Variants in TM4SF19 observed in about 807,000 individuals in gnomAD.
TM4SF19 encodes the protein transmembrane 4 L6 family member 19.
TM4SF19 carries 17 observed loss-of-function variants against 21.8 expected under a neutral mutation model. The observed-to-expected ratio is 0.78, with a 90% CI of 0.53 to 1.17. The LOEUF is 1.17. Ranked by LOEUF, TM4SF19 falls within the 50% of genes most tolerant of loss-of-function variation. The pLI is 0.00. For synonymous variants in TM4SF19, 107 were observed against 106.7 expected (o/e 1.00, Z -0.02); for missense variants, 216 against 252.1 (o/e 0.86, Z 0.97).
intron 1 of TM4SF19, among the ~76,000 whole-genome samples, chr3:196,335,577 G>C: frequency 6.6e-6 from 1 of 151,358 alleles, no homozygotes; most frequent in South Asian, 2.1e-4. Context: ...TCCTACCCCA[G>C]GGGCCCAAGG....
chr3:196,330,943 A>G (rs936708915), intron 1 of TM4SF19, among the ~76,000 whole-genome samples: 1 of 152,140 alleles, frequency 6.6e-6, no homozygotes, highest in Non-Finnish European at 1.5e-5. Flanking sequence ...TCTCTTTTAT[A>G]TTTTCATTGA....
At position 196,332,848 on chromosome 3, in the gene TM4SF19, ATTTTTTT is replaced by A. The variant is rs544134464; in HGVS notation, c.-1-5264_-1-5258del. ...CTGACTCACAATGGTTCAACTTACAATTTTTTTTTTTTTTTTTTTTTTGAGACAGGGT... is the reference window on the plus strand; with the variant it reads ...CTGACTCACAATGGTTCAACTTACAATTTTTTTTTTTTTTTGAGACAGGGT... On this transcript the variant is annotated intron_variant, in intron 1 of 4. Transcript: ENST00000273695. Among the ~76,000 whole-genome samples, 9 of 120,860 alleles carry A rather than the reference ATTTTTTT, an allele frequency of 7.4e-5. No homozygotes were observed. The South Asian group carries it at 8.3e-4, about 11-fold the overall frequency. The allele number at this position is 120,860 out of a possible 152,430, so 79.3% of individuals were successfully genotyped here. A position where few individuals can be genotyped will look rare whatever the true frequency, so the allele number is the denominator to read the frequency against.
At chr3:196,331,419 G>A (rs969914467) in intron 1 of TM4SF19, among the ~76,000 whole-genome samples, 5 of 151,480 alleles carry the variant, frequency 3.3e-5, no homozygotes, top group Non-Finnish European at 4.4e-5. Context: ...GTGCAGTTCA[G>A]TTACACGTCT....
chr3:196,327,317 T>A (rs1727330149), intron 2 of TM4SF19, 73 bp downstream of exon 2: 2 of 1,437,552 alleles, frequency 1.4e-6, no homozygotes, highest in African/African-American at 2.8e-5. Context: ...CAAAACACTC[T>A]TCCCATGCCA....
At position 196,324,389 on chromosome 3, in the gene TM4SF19, A is replaced by C. The variant is rs777472516; in HGVS notation, c.331T>G (p.Cys111Gly). ...AGAGCAACTCCAGAAGTGACAAAGC[A>C]AATCAGGGCTCCAAGTAAAGCCAGG... ...GGLALLGALI[C>G]FVTSGVALKD... The change falls in exon 4 of 5, where the codon TGC (cysteine) becomes GGC (glycine). Residue 111 changes from cysteine (C) to glycine (G), a missense_variant. Cys to Gly is a radical substitution (Grantham distance 159, BLOSUM62 -3). Coordinates refer to ENST00000273695, the MANE Select transcript of TM4SF19 (RefSeq NM_138461.4). The C allele has an allele frequency of 3.1e-6, 5 of 1,614,238 alleles. No individual in the cohort carries two copies.
rs1378972972 is a variant in TM4SF19 at position 196,325,024 on chromosome 3, T to C, written c.280-584A>G. 2 of 152,494 alleles carry C rather than the reference T, an allele frequency of 1.3e-5. No individual in the cohort carries two copies. The highest frequency in any genetic ancestry group is 2.9e-5 in the Non-Finnish European group (2 of 68,290). 9.4% of individuals were successfully genotyped at this position (152,494 alleles called of 1,614,324 possible). The stretch of plus-strand genomic sequence containing the variant: ...CGAGAGAGAAGCTGCAGCCAAGCTC[T>C]GAAATGACTCCACTTCTGTCGCTGT... On this transcript the variant is annotated intron_variant, in intron 3 of 4. Transcript: ENST00000273695. This position sits in a 1 kb window ranked among gnomAD's most constrained non-coding sequence, Gnocchi z 4.3.
intron 1 of TM4SF19, among the ~76,000 whole-genome samples, chr3:196,333,774 A>T (rs1188460002): frequency 1.3e-5 from 2 of 152,190 alleles, no homozygotes; most frequent in Non-Finnish European, 2.9e-5. Flanking sequence ...TAAAATTTGC[A>T]TTAAAGGCCA....
In TM4SF19 at chr3:196,325,416, G is replaced by A. The variant is rs114978848; in HGVS notation, c.280-976C>T. On this transcript the variant is annotated intron_variant, in intron 3 of 4. Coordinates refer to ENST00000273695, the MANE Select transcript of TM4SF19 (RefSeq NM_138461.4). The surrounding 1 kb of genome is among the most constrained non-coding windows in gnomAD (Gnocchi z 4.3). ...GGGGTTTCACTGTGTTGGTCATGCC[G>A]GTCTCAATCTCCTGACCTTGTGATC... The A allele has an allele frequency of 0.04, 6,022 of 152,186 alleles. 158 individuals are homozygous for A. The highest frequency in any genetic ancestry group is 0.082 in the East Asian group (425 of 5,186). 9.4% of individuals were successfully genotyped at this position (152,186 alleles called of 1,614,324 possible).
intron 3 of TM4SF19, among the ~76,000 whole-genome samples, chr3:196,326,494 G>A (rs1360093122): frequency 6.6e-6 from 1 of 151,908 alleles, no homozygotes; most frequent in Non-Finnish European, 1.5e-5. Context: ...ATTTATTCTG[G>A]GCCTCAGTTT....
chr3:196,328,322 GTTA>G (rs1727388305), intron 1 of TM4SF19, among the ~76,000 whole-genome samples: 1 of 151,168 alleles, frequency 6.6e-6, no homozygotes, highest in Admixed American at 6.6e-5. Flanking sequence ...AAGTAACATT[GTTA>G]TTATTCACAG....
chr3:196,329,312 T>C (rs1272276491), intron 1 of TM4SF19, among the ~76,000 whole-genome samples: 2 of 126,802 alleles, frequency 1.6e-5, no homozygotes, highest in African/African-American at 2.6e-5. Context: ...GCCGGAACAA[T>C]GCACATGCAA....
chr3:196,324,619 C>A, intron 3 of TM4SF19, 179 bp from the exon 4 acceptor site: 1 of 626,472 alleles, frequency 1.6e-6, no homozygotes. Flanking sequence ...GAATTCTGTC[C>A]ATGGCACCCC....
intron 1 of TM4SF19, among the ~76,000 whole-genome samples, chr3:196,336,302 C>G (rs1727760743): frequency 5.9e-5 from 9 of 152,084 alleles, no homozygotes; most frequent in Admixed American, 5.9e-4. Flanking sequence ...CTACGCCCGG[C>G]TAATTTTGTA....
Position 196,324,424 on chromosome 3 carries a change from A to G in TM4SF19, c.296T>C (p.Leu99Ser). ...GLCRSVLTAL[L>S]SGGLALLGAL... is the part of the protein sequence containing the mutation. Reference sequence around the variant, plus strand: ...TCCAAGTAAAGCCAGGCCACCTGACAACAGAGCAGTAAGCACCTGCGGAGG... The same window carrying G: ...TCCAAGTAAAGCCAGGCCACCTGACGACAGAGCAGTAAGCACCTGCGGAGG... Residue 99 changes from leucine to serine, a missense_variant, in exon 4 of 5, where the codon TTG (leucine) becomes TCG (serine). Coordinates refer to ENST00000273695, the MANE Select transcript of TM4SF19 (RefSeq NM_138461.4). 1 of 1,614,176 alleles carries G rather than the reference A, an allele frequency of 6.2e-7. No homozygotes were observed. The highest frequency in any genetic ancestry group is 8.5e-7 in the Non-Finnish European group (1 of 1,180,016).
chr3:196,323,963 C>T lies in TM4SF19; in HGVS notation c.484G>A (p.Val162Ile), dbSNP rs35643777. 138,172 of 1,613,872 alleles carry T rather than the reference C, an allele frequency of 0.086. 6,393 individuals carry two copies. The highest frequency in any genetic ancestry group is 0.12 in the Middle Eastern group (718 of 6,060). Residue 162 changes from valine to isoleucine, a missense_variant, in exon 5 of 5, where the codon GTC becomes ATC. Val to Ile is a conservative substitution (Grantham distance 29). Transcript: ENST00000273695. The stretch of plus-strand genomic sequence containing the variant: ...ACAGCTGCAGAGGGCTCCAGGCAGA[C>T]GGAGTTCCAGAGCGAACGGTCATAC... Reference protein sequence around the residue: ...YLYDRSLWNSVCLEPSAAVVW... With the variant: ...YLYDRSLWNSICLEPSAAVVW...
chr3:196,326,325 G>A (rs746438596), intron 3 of TM4SF19, among the ~76,000 whole-genome samples: 5 of 152,076 alleles, frequency 3.3e-5, no homozygotes, highest in Non-Finnish European at 7.3e-5. Context: ...CCCAACATGT[G>A]GGCTGCAGAT....
In TM4SF19 at chr3:196,323,981, G is replaced by T. The variant is rs201547125; in HGVS notation, c.466C>A (p.Arg156Ser). Reference protein sequence around the residue: ...DLHSRNYLYDRSLWNSVCLEP... With the variant: ...DLHSRNYLYDSSLWNSVCLEP... ...AGGCAGACGGAGTTCCAGAGCGAAC[G>T]GTCATACAGATAATTCCTATCCCAA... Residue 156 changes from arginine (R) to serine (S), a missense_variant, in exon 5 of 5, where the codon CGT becomes AGT. Physicochemically the swap from Arg to Ser is moderately radical, Grantham distance 110 (BLOSUM62 -1). Coordinates refer to ENST00000273695, the MANE Select transcript of TM4SF19 (RefSeq NM_138461.4). 26 of 1,613,832 alleles carry T rather than the reference G, an allele frequency of 1.6e-5. No homozygotes were observed. Among genetic ancestry groups the T allele is most frequent in the Non-Finnish European group, 2.2e-5 (26 of 1,179,996 alleles).
chr3:196,326,935 G>T lies in TM4SF19; in HGVS notation c.279+20C>A. 1 of 1,595,432 alleles carries T rather than the reference G, an allele frequency of 6.3e-7. No individual in the cohort carries two copies. Among genetic ancestry groups the T allele is most frequent in the South Asian group, 1.1e-5 (1 of 90,454 alleles). On this transcript the variant is annotated intron_variant, in intron 3 of 4. Coordinates refer to ENST00000273695, the MANE Select transcript of TM4SF19 (RefSeq NM_138461.4). ...GGTGGAGACATTCTGGGTGTTAGAA[G>T]AGTGGAATCTGGTGCTTACGCTTCG... is the stretch of plus-strand genomic sequence containing the variant.
At position 196,326,948 on chromosome 3, in the gene TM4SF19, TGCTTAC is replaced by T; in HGVS notation, c.279+1_279+6del. The stretch of plus-strand genomic sequence containing the variant: ...TGGGTGTTAGAAGAGTGGAATCTGG[TGCTTAC>T]GCTTCGACAGAGCCCACTCTTACTG... On this transcript the variant is annotated splice_donor_variant and splice_donor_5th_base_variant and intron_variant, in intron 3 of 4. Coordinates refer to ENST00000273695, the MANE Select transcript of TM4SF19 (RefSeq NM_138461.4). LOFTEE classifies it high-confidence loss of function. 1 of 1,605,890 alleles carries T rather than the reference TGCTTAC, an allele frequency of 6.2e-7. No individual in the cohort carries two copies. Among genetic ancestry groups the T allele is most frequent in the Non-Finnish European group, 8.5e-7 (1 of 1,173,122 alleles).
Sources: allele counts gnomAD v4.1 joint callset (sites outside exome capture counted in the v4.1 genomes callset), GRCh38; gene constraint gnomAD v4.1.1; non-coding constraint Gnocchi (gnomAD v3.1); transcripts MANE v1.5; gene names NCBI Gene and HGNC (gene_info 2026-07-23, HGNC 2026-07-21).